The following CNTNAP2 variants were observed in gnomAD, a reference collection of about 807,000 sequenced individuals.
The protein encoded by CNTNAP2 is contactin associated protein 2, also known as contactin-associated protein-like 2.
A neutral mutation model predicts 155.2 loss-of-function variants in CNTNAP2; 98 were observed. That is an observed-to-expected ratio of 0.63 (90% CI 0.54 to 0.75). The LOEUF (loss-of-function observed/expected upper bound fraction) is 0.75. Among genes scored for constraint, CNTNAP2 ranks in the 30% least tolerant of loss-of-function variants. The pLI, the probability that CNTNAP2 is intolerant of heterozygous loss-of-function variation, is 0.00. For synonymous variants in CNTNAP2, 651 were observed against 631.2 expected (o/e 1.03, Z -0.47); for missense variants, 1,727 against 1,688.1 (o/e 1.02, Z -0.40).
chr7:146,120,048 A>G (rs1797540181), intron 1 of CNTNAP2, among the ~76,000 whole-genome samples: 1 of 151,890 alleles, frequency 6.6e-6, no homozygotes, highest in Non-Finnish European at 1.5e-5. Flanking sequence ...TAAGTTGTTT[A>G]CAAGTTTATA....
At chr7:146,419,639 C>T (rs1462709252) in intron 1 of CNTNAP2, among the ~76,000 whole-genome samples, 2 of 151,852 alleles carry the variant, frequency 1.3e-5, no homozygotes, top group Non-Finnish European at 2.9e-5. Flanking sequence ...AAAAGAAGAC[C>T]TACAAATGGC....
chr7:146,371,958 C>CAAAAAA (rs111816450), intron 1 of CNTNAP2, among the ~76,000 whole-genome samples: 33 of 107,716 alleles, frequency 3.1e-4, no homozygotes, highest in African/African-American at 9.1e-4. Context: ...AACTCCATCT[C>CAAAAAA]AAAAAAAAAA....
chr7:146,935,569 G>C (rs1796897020), intron 3 of CNTNAP2, among the ~76,000 whole-genome samples: 2 of 152,170 alleles, frequency 1.3e-5, no homozygotes, highest in Admixed American at 1.3e-4. Flanking sequence ...AAGAAGCAAT[G>C]ATTAGAAATG....
intron 13 of CNTNAP2, among the ~76,000 whole-genome samples, chr7:147,833,761 T>C (rs1284308127): frequency 1.3e-5 from 2 of 152,190 alleles, no homozygotes; most frequent in Non-Finnish European, 2.9e-5. Context: ...TTCTTACTGG[T>C]CGCATCCAAG....
At chr7:146,300,383 A>C (rs184839177) in intron 1 of CNTNAP2, among the ~76,000 whole-genome samples, 5 of 151,598 alleles carry the variant, frequency 3.3e-5, no homozygotes, top group Non-Finnish European at 7.4e-5. Flanking sequence ...TAACCAATGG[A>C]AAATTGGTAC....
intron 1 of CNTNAP2, among the ~76,000 whole-genome samples, chr7:146,294,201 CA>C (rs922005818): frequency 1.3e-5 from 2 of 152,132 alleles, no homozygotes; most frequent in African/African-American, 4.8e-5. Context: ...GTGCCTTAAG[CA>C]AAATTGAATT....
intron 15 of CNTNAP2, among the ~76,000 whole-genome samples, chr7:148,080,471 T>G (rs901958492): frequency 9.9e-5 from 15 of 151,374 alleles, no homozygotes; most frequent in African/African-American, 3.6e-4. Context: ...CCTGGCGTGG[T>G]GGCGGCGCCT....
chr7:147,466,064 T>C (rs909821507), intron 10 of CNTNAP2, among the ~76,000 whole-genome samples: 3 of 152,200 alleles, frequency 2.0e-5, no homozygotes, highest in Non-Finnish European at 4.4e-5. Flanking sequence ...ATGTATTTAA[T>C]GCATATACAT....
At chr7:147,732,186 C>CA (rs1265369838) in intron 13 of CNTNAP2, among the ~76,000 whole-genome samples, 8 of 100,616 alleles carry the variant, frequency 8.0e-5, no homozygotes, top group East Asian at 6.8e-4. Flanking sequence ...ATCCCTCCCC[C>CA]CCCCACCACC....
rs550201243 is a variant in CNTNAP2, at chr7:147,211,233, A to G, written c.1348+78724A>G. Among the ~76,000 whole-genome samples the G allele has an allele frequency of 5.9e-5, 9 of 152,084 alleles. No individual in the cohort carries two copies. In the South Asian group the frequency reaches 1.7e-3, roughly 28 times the overall value. ...TCTAATGCTGTCAGTGGGGTGTTTA[A>G]GTGCCTTATTATTATTGTGTGGCTG... On this transcript the variant is annotated intron_variant, in intron 8 of 23. Coordinates refer to ENST00000361727, the MANE Select transcript of CNTNAP2 (RefSeq NM_014141.6).
chr7:147,714,462 C>CAAA (rs572649994), intron 13 of CNTNAP2, among the ~76,000 whole-genome samples: 3 of 143,040 alleles, frequency 2.1e-5, no homozygotes, highest in Admixed American at 2.1e-4. Flanking sequence ...AGTTTTTGTT[C>CAAA]AAAAAAAAAA....
intron 13 of CNTNAP2, among the ~76,000 whole-genome samples, chr7:147,709,934 T>C (rs542460626): frequency 6.6e-6 from 1 of 152,282 alleles, no homozygotes; most frequent in South Asian, 2.1e-4. Context: ...AAATTATGTT[T>C]ATGTGTCTTT....
At chr7:147,326,746 G>T (rs902907651) in intron 9 of CNTNAP2, among the ~76,000 whole-genome samples, 1 of 152,128 alleles carries the variant, frequency 6.6e-6, no homozygotes, top group Non-Finnish European at 1.5e-5. Flanking sequence ...CTTCTAGTGG[G>T]TGTGAAATGG....
chr7:147,636,319 C>T (rs1017553344), intron 12 of CNTNAP2, among the ~76,000 whole-genome samples: 1 of 152,164 alleles, frequency 6.6e-6, no homozygotes, highest in Admixed American at 6.6e-5. Flanking sequence ...AAGATGAAGT[C>T]ACTTGTCTAG....
intron 1 of CNTNAP2, among the ~76,000 whole-genome samples, chr7:146,143,841 C>T (rs1283480771): frequency 6.6e-6 from 1 of 152,026 alleles, no homozygotes; most frequent in Non-Finnish European, 1.5e-5. Flanking sequence ...TGGCTCACTG[C>T]AACCTCTGCC....
intron 1 of CNTNAP2, chr7:146,117,430 C>G (rs1797501958): frequency 6.4e-6 from 1 of 155,616 alleles, no homozygotes; most frequent in African/African-American, 2.4e-5. Flanking sequence ...AGTTTGGGCA[C>G]CTATAGGGTC....
intron 13 of CNTNAP2, among the ~76,000 whole-genome samples, chr7:147,728,095 A>T (rs1285126828): frequency 6.6e-6 from 1 of 152,018 alleles, no homozygotes; most frequent in East Asian, 1.9e-4. Context: ...TATTCTACTC[A>T]ATCCAGTGAG....
At chr7:146,550,117 C>T (rs1488051087) in intron 1 of CNTNAP2, among the ~76,000 whole-genome samples, 2 of 151,994 alleles carry the variant, frequency 1.3e-5, no homozygotes, top group Non-Finnish European at 2.9e-5. Context: ...ATTGATTAAA[C>T]TTAGGGGAAC....
At chr7:146,250,601 G>C (rs1049745011) in intron 1 of CNTNAP2, among the ~76,000 whole-genome samples, 8 of 152,162 alleles carry the variant, frequency 5.3e-5, no homozygotes, top group Non-Finnish European at 1.0e-4. Flanking sequence ...CGTGGCCATG[G>C]TGTCTACTGA....
Sources: gnomAD v4.1 joint callset for allele counts (sites outside exome capture counted in the v4.1 genomes callset) on GRCh38, gnomAD v4.1.1 for gene constraint, MANE v1.5 for transcripts, NCBI Gene and HGNC (gene_info 2026-07-23, HGNC 2026-07-21) for gene names.